NINJ2: variants seen among roughly 807,000 people sequenced by gnomAD.
NINJ2 encodes the protein ninjurin-2.
In NINJ2, 12 loss-of-function variants were observed where a neutral mutation model predicts 11.7. That is an observed-to-expected ratio of 1.02 (90% CI 0.66 to 1.66). The LOEUF (loss-of-function observed/expected upper bound fraction) is 1.66, where lower values mean the gene tolerates loss of function less well. Among genes scored for constraint, NINJ2 ranks in the 40% most tolerant of loss-of-function variants. NINJ2 has a pLI of 0.00. For synonymous variants in NINJ2, 93 were observed against 76.8 expected (o/e 1.21, Z -1.10); for missense variants, 187 against 181.8 (o/e 1.03, Z -0.16).
intron 1 of NINJ2, among the ~76,000 whole-genome samples, chr12:649,853 A>T (rs1937760452): frequency 6.6e-6 from 1 of 152,094 alleles, no homozygotes; most frequent in African/African-American, 2.4e-5. Context: ...TGTGTATCTT[A>T]CTTCTTTAAC....
chr12:610,798 A>G lies in NINJ2; in HGVS notation c.34-44620T>C, dbSNP rs1055830925. Reference sequence around the variant, plus strand: ...GCCCAGGCTGGAGTGCAATGGTGCAATCTCGGCTCACTGCAACCTCTGCCC... The same window carrying G: ...GCCCAGGCTGGAGTGCAATGGTGCAGTCTCGGCTCACTGCAACCTCTGCCC... On this transcript the variant is annotated intron_variant, in intron 1 of 3. Transcript: ENST00000305108. 2.4e-5 allele frequency: 5 copies of G among 211,968 alleles called. No homozygotes were observed. The Admixed American group carries it at 3.7e-4, about 16-fold the overall frequency. The allele number at this position is 211,968 out of a possible 1,614,324, so 13.1% of individuals were successfully genotyped here.
Position 655,927 on chromosome 12 carries a change from T to C in NINJ2, c.33+7401A>G, listed in dbSNP as rs1323475613. Among the ~76,000 whole-genome samples the C allele has an allele frequency of 5.3e-5, 8 of 151,520 alleles. No homozygotes were observed. In the East Asian group the frequency reaches 1.2e-3, roughly 22 times the overall value. ...GACTCCATCTTAATAAATAAATAAATAAATTTATAAATAAATATAAAATAA... is the reference window on the plus strand; with the variant it reads ...GACTCCATCTTAATAAATAAATAAACAAATTTATAAATAAATATAAAATAA... On this transcript the variant is annotated intron_variant, in intron 1 of 3. Transcript: ENST00000305108.
intron 1 of NINJ2, among the ~76,000 whole-genome samples, chr12:590,325 A>G (rs1196241067): frequency 6.6e-6 from 1 of 152,158 alleles, no homozygotes; most frequent in Non-Finnish European, 1.5e-5. Context: ...AGTGGGTATA[A>G]AAATGGGACT....
intron 1 of NINJ2, among the ~76,000 whole-genome samples, chr12:658,521 G>A (rs1937906171): frequency 1.3e-5 from 2 of 152,156 alleles, no homozygotes; most frequent in South Asian, 4.1e-4. Flanking sequence ...CATATTGTAT[G>A]ATTCCAGCTA....
chr12:627,544 C>G (rs1355707599), intron 1 of NINJ2, among the ~76,000 whole-genome samples: 1 of 152,148 alleles, frequency 6.6e-6, no homozygotes, highest in African/African-American at 2.4e-5. Flanking sequence ...TAAAGTGAAG[C>G]AAGGAAAATT....
intron 1 of NINJ2, among the ~76,000 whole-genome samples, chr12:608,443 C>G (rs1006829521): frequency 2.6e-4 from 39 of 152,224 alleles, no homozygotes; most frequent in African/African-American, 9.4e-4. Context: ...CTACTTCTCA[C>G]AGCAACTTCA....
At chr12:627,349 G>A (rs1289490830) in intron 1 of NINJ2, among the ~76,000 whole-genome samples, 4 of 152,068 alleles carry the variant, frequency 2.6e-5, no homozygotes, top group Non-Finnish European at 5.9e-5. Context: ...CAATCAAACA[G>A]GTGCTCAAAT....
chr12:566,823 TA>T (rs1391243951), intron 1 of NINJ2, among the ~76,000 whole-genome samples: 1 of 152,262 alleles, frequency 6.6e-6, no homozygotes, highest in East Asian at 1.9e-4. Context: ...CACATCATTT[TA>T]ATTATTACTT....
intron 1 of NINJ2, among the ~76,000 whole-genome samples, chr12:583,246 C>T (rs1003097067): frequency 1.3e-5 from 2 of 152,206 alleles, no homozygotes; most frequent in Non-Finnish European, 2.9e-5. Flanking sequence ...TGGGCGCAGG[C>T]AGGCAGGCAT....
chr12:595,063 G>C (rs764245338), intron 1 of NINJ2, among the ~76,000 whole-genome samples: 4 of 152,068 alleles, frequency 2.6e-5, no homozygotes, highest in Non-Finnish European at 5.9e-5. Flanking sequence ...TGACAAAGGA[G>C]CACAGATAAT....
rs143086563 is a variant in NINJ2 at position 648,434 on chromosome 12, A to T, written c.33+14894T>A. On this transcript the variant is annotated intron_variant, in intron 1 of 3. Coordinates refer to ENST00000305108, the MANE Select transcript of NINJ2 (RefSeq NM_016533.6). ...TGTTGTTCATTAGATACCCAATGCC[A>T]TGAAGATTCTAAGGCCCAGTTAAAC... Among the ~76,000 whole-genome samples the T allele has an allele frequency of 9.1e-4, 139 of 152,320 alleles. 1 individual carries two copies. Among genetic ancestry groups the T allele is most frequent in the African/African-American group, 3.2e-3 (135 of 41,568 alleles).
chr12:581,308 G>A lies in NINJ2; in HGVS notation c.34-15130C>T, dbSNP rs1266961246. On this transcript the variant is annotated intron_variant, in intron 1 of 3. Coordinates refer to ENST00000305108, the MANE Select transcript of NINJ2 (RefSeq NM_016533.6). This position sits in a 1 kb window ranked among gnomAD's most constrained non-coding sequence, Gnocchi z 4.9. The stretch of plus-strand genomic sequence containing the variant: ...AGGCAGGGATACTGGTGCATTATCC[G>A]GAGGGAGCTCGGGGGGCCCAGGAGG... Among the ~76,000 whole-genome samples, 2 of 152,164 alleles carry A rather than the reference G, an allele frequency of 1.3e-5. No homozygotes were observed. Among genetic ancestry groups the A allele is most frequent in the Non-Finnish European group, 2.9e-5 (2 of 68,030 alleles).
In NINJ2 at chr12:641,542, C is replaced by T. The variant is rs1398946347; in HGVS notation, c.33+21786G>A. Among the ~76,000 whole-genome samples the T allele has an allele frequency of 3.3e-5, 5 of 152,106 alleles. No individual in the cohort carries two copies. The East Asian group carries it at 9.6e-4, about 29-fold the overall frequency. On this transcript the variant is annotated intron_variant, in intron 1 of 3. Transcript: ENST00000305108. ...CACTAGCTCTGATAAGACTCTTGTG[C>T]TAAAGAAACAGGCTAGGGCCGGGCG...
At chr12:568,043 A>G (rs1452040599) in intron 1 of NINJ2, among the ~76,000 whole-genome samples, 1 of 152,172 alleles carries the variant, frequency 6.6e-6, no homozygotes, top group Non-Finnish European at 1.5e-5. Context: ...GAAATGCAGT[A>G]GTCTCCAGAC....
At chr12:636,991 T>C (rs185955003) in intron 1 of NINJ2, among the ~76,000 whole-genome samples, 1 of 152,334 alleles carries the variant, frequency 6.6e-6, no homozygotes, top group Non-Finnish European at 1.5e-5. Context: ...CCAGTGTCCA[T>C]CAGCAGATGA....
At chr12:604,906 T>A (rs1023978545) in intron 1 of NINJ2, among the ~76,000 whole-genome samples, 1 of 152,234 alleles carries the variant, frequency 6.6e-6, no homozygotes, top group Non-Finnish European at 1.5e-5. Flanking sequence ...AGCAGTGCTC[T>A]TGCGGTGTGG....
At position 628,055 on chromosome 12, in the gene NINJ2, C is replaced by G. The variant is rs1948229911; in HGVS notation, c.33+35273G>C. On this transcript the variant is annotated intron_variant, in intron 1 of 3. Transcript: ENST00000305108. The surrounding 1 kb of genome is among the most constrained non-coding windows in gnomAD (Gnocchi z 4.4). ...TTCACACCCTGTGCCAGACAGAAGGCCTGGGAGTGAAAAGACTGGCCATGG... is the reference window on the plus strand; with the variant it reads ...TTCACACCCTGTGCCAGACAGAAGGGCTGGGAGTGAAAAGACTGGCCATGG... 6.6e-6 allele frequency among the ~76,000 whole-genome samples: 1 copy of G among 152,228 alleles called. No individual in the cohort carries two copies. Among genetic ancestry groups the G allele is most frequent in the Admixed American group, 6.5e-5 (1 of 15,288 alleles).
Position 610,253 on chromosome 12 carries a change from G to A in NINJ2, c.34-44075C>T. The stretch of plus-strand genomic sequence containing the variant: ...TCAATGCTTTTGCGTGAGTGAAACA[G>A]CCCCTCTGGCAGCCCTCTTCACCTG... On this transcript the variant is annotated intron_variant, in intron 1 of 3. Transcript: ENST00000305108. 3.8e-6 allele frequency: 4 copies of A among 1,044,976 alleles called. No individual in the cohort carries two copies. In the African/African-American group the frequency reaches 6.3e-5, roughly 16 times the overall value. The allele number at this position is 1,044,976 out of a possible 1,614,324, so 64.7% of individuals were successfully genotyped here. A position where few individuals can be genotyped will look rare whatever the true frequency, so the allele number is the denominator to read the frequency against.
At chr12:617,269 T>C (rs1421068711) in intron 1 of NINJ2, among the ~76,000 whole-genome samples, 3 of 152,174 alleles carry the variant, frequency 2.0e-5, no homozygotes, top group African/African-American at 7.2e-5. Context: ...GAAGTTGTTG[T>C]AGTAAAGCCT....
Sources: gnomAD v4.1 joint callset for allele counts (sites outside exome capture counted in the v4.1 genomes callset) on GRCh38, gnomAD v4.1.1 for gene constraint, Gnocchi (gnomAD v3.1) non-coding constraint, MANE v1.5 for transcripts, NCBI Gene and HGNC (gene_info 2026-07-23, HGNC 2026-07-21) for gene names.